Variants in TAMALIN observed in about 807,000 individuals in gnomAD.
TAMALIN encodes trafficking regulator and scaffold protein tamalin.
In TAMALIN, 9 loss-of-function variants were observed where a neutral mutation model predicts 38.5. The observed-to-expected ratio is 0.23, with a 90% CI of 0.14 to 0.41. TAMALIN has a LOEUF of 0.41. Among genes scored for constraint, TAMALIN ranks in the 10% least tolerant of loss-of-function variants. The pLI, the probability that TAMALIN is intolerant of heterozygous loss-of-function variation, is 1.00. For missense variants in TAMALIN, 548 were observed against 554.1 expected, an observed-to-expected ratio of 0.99 and a Z score of 0.11; for synonymous variants, 306 against 256.5, an observed-to-expected ratio of 1.19 and a Z score of -1.85.
chr12:52,009,593 A>C (rs768284389), intron 2 of TAMALIN, among the ~76,000 whole-genome samples: 1 of 151,338 alleles, frequency 6.6e-6, no homozygotes, highest in African/African-American at 2.5e-5. Context: ...GAGCCCTCCT[A>C]GCCTTGGCAA....
In TAMALIN at chr12:52,015,096, G is replaced by T; in HGVS notation, c.1085G>T (p.Gly362Val). The T allele has an allele frequency of 1.9e-6, 3 of 1,559,680 alleles. No homozygotes were observed. The highest frequency in any genetic ancestry group is 2.6e-6 in the Non-Finnish European group (3 of 1,160,662). The change falls in exon 8 of 8, where the codon GGC (glycine) becomes GTC (valine). Residue 362 changes from glycine (G) to valine (V), a missense_variant. Physicochemically the swap from Gly to Val is moderately radical, Grantham distance 109. Coordinates refer to ENST00000293662, the MANE Select transcript of TAMALIN (RefSeq NM_181711.4). ...WTEAREQALCGPGLRKTKYRS... is the reference protein window; with the variant it reads ...WTEAREQALCVPGLRKTKYRS... ...GAGGCTCGCGAGCAGGCCCTATGCG[G>T]CCCCGGCCTGCGCAAAACCAAGTAC...
Position 52,007,343 on chromosome 12 carries a change from C to A in TAMALIN, c.246+78C>A. On this transcript the variant is annotated intron_variant, in intron 1 of 7. Transcript: ENST00000293662. This position sits in a 1 kb window ranked among gnomAD's most constrained non-coding sequence, Gnocchi z 6.7. ...CAGGGCCTGCTGACTCCGCAGTGCC[C>A]TCTCCTCGGCGTCCGCGGAGTCCCC... 1 of 1,318,490 alleles carries A rather than the reference C, an allele frequency of 7.6e-7. No individual in the cohort carries two copies. The highest frequency in any genetic ancestry group is 9.7e-7 in the Non-Finnish European group (1 of 1,034,436). The allele number at this position is 1,318,490 out of a possible 1,614,324, so 81.7% of individuals were successfully genotyped here. A position where few individuals can be genotyped will look rare whatever the true frequency, so the allele number is the denominator to read the frequency against.
In TAMALIN at chr12:52,007,085, C is replaced by A; in HGVS notation, c.66C>A (p.Ala22=). ...KEEAAATPDP[A]ARTPDSEVAP... is the part of the protein sequence containing the mutation. The stretch of plus-strand genomic sequence containing the variant: ...AGGCGGCGGCCACCCCGGACCCCGC[C>A]GCCCGGACTCCCGACTCGGAAGTCG... The change falls in exon 1 of 8, where the codon GCC becomes GCA. Residue 22 remains alanine (A), a synonymous_variant. Transcript: ENST00000293662. This position sits in a 1 kb window ranked among gnomAD's most constrained non-coding sequence, Gnocchi z 6.7. 6.8e-7 allele frequency: 1 copy of A among 1,477,948 alleles called. No individual in the cohort carries two copies. Among genetic ancestry groups the A allele is most frequent in the Non-Finnish European group, 8.9e-7 (1 of 1,121,838 alleles). The allele number at this position is 1,477,948 out of a possible 1,614,324, so 91.6% of individuals were successfully genotyped here.
At position 52,007,974 on chromosome 12, in the gene TAMALIN, A is replaced by G. The variant is rs2603743; in HGVS notation, c.246+709A>G. The stretch of plus-strand genomic sequence containing the variant: ...GGCCCCAGGAGACCTGAGGCTCAGA[A>G]CCTACACAACACCAGGTTAAGAAGA... On this transcript the variant is annotated intron_variant, in intron 1 of 7. Coordinates refer to ENST00000293662, the MANE Select transcript of TAMALIN (RefSeq NM_181711.4). This position sits in a 1 kb window ranked among gnomAD's most constrained non-coding sequence, Gnocchi z 6.7. 2,933 of 985,412 alleles carry G rather than the reference A, an allele frequency of 3.0e-3. 71 individuals are homozygous for G. In the African/African-American group the frequency reaches 0.047, roughly 16 times the overall value. 61.0% of individuals were successfully genotyped at this position (985,412 alleles called of 1,614,324 possible).
intron 1 of TAMALIN, 24 bp from the exon 2 acceptor site, chr12:52,009,166 C>G (rs1210071914): frequency 6.2e-7 from 1 of 1,613,576 alleles, no homozygotes; most frequent in South Asian, 1.1e-5. Context: ...CTTACCTGCT[C>G]CTTCTGACCA....
Position 52,007,885 on chromosome 12 carries a change from C to T in TAMALIN, c.246+620C>T, listed in dbSNP as rs979133467. 1.0e-6 allele frequency: 1 copy of T among 985,388 alleles called. No homozygotes were observed. The allele number at this position is 985,388 out of a possible 1,614,324, so 61.0% of individuals were successfully genotyped here. A position where few individuals can be genotyped will look rare whatever the true frequency, so the allele number is the denominator to read the frequency against. ...CGCAGTGGGAGGGGTCGCAGGGCGC[C>T]CGCGGGGCAGGAAGGATGCGGGCCG... On this transcript the variant is annotated intron_variant, in intron 1 of 7. Coordinates refer to ENST00000293662, the MANE Select transcript of TAMALIN (RefSeq NM_181711.4). The surrounding 1 kb of genome is among the most constrained non-coding windows in gnomAD (Gnocchi z 6.7).
At position 52,015,250 on chromosome 12, in the gene TAMALIN, G is replaced by C. The variant is rs1280252163; in HGVS notation, c.*51G>C. The C allele has an allele frequency of 1.3e-6, 2 of 1,519,816 alleles. No individual in the cohort carries two copies. Among genetic ancestry groups the C allele is most frequent in the African/African-American group, 2.8e-5 (2 of 70,284 alleles). 94.1% of individuals were successfully genotyped at this position (1,519,816 alleles called of 1,614,324 possible). Reference sequence around the variant, plus strand: ...TATTTATTTATTCGCAACAGCCAGCGCTAAAAGAGGGGGAGGCCGAGCCAA... The same window carrying C: ...TATTTATTTATTCGCAACAGCCAGCCCTAAAAGAGGGGGAGGCCGAGCCAA... On this transcript the variant is annotated 3_prime_UTR_variant, in exon 8 of 8. Coordinates refer to ENST00000293662, the MANE Select transcript of TAMALIN (RefSeq NM_181711.4).
chr12:52,014,326 A>G (rs533380209), intron 7 of TAMALIN, 125 bp downstream of exon 7: 1 of 807,714 alleles, frequency 1.2e-6, no homozygotes, highest in African/African-American at 1.7e-5. Context: ...CAGTAAAGCA[A>G]GGTTTGTTGA....
At chr12:52,010,409 A>T (rs1449197342) in intron 2 of TAMALIN, 1 of 697,492 alleles carries the variant, frequency 1.4e-6, no homozygotes, top group Non-Finnish European at 1.8e-6. Flanking sequence ...CAGCCCCCAC[A>T]TCTGGTGGGC....
At position 52,014,844 on chromosome 12, in the gene TAMALIN, G is replaced by A. The variant is rs1937754697; in HGVS notation, c.833G>A (p.Gly278Asp). The change falls in exon 8 of 8, where the codon GGC becomes GAC. Residue 278 changes from glycine to aspartate, a missense_variant. Physicochemically the swap from Gly to Asp is moderately conservative, Grantham distance 94. This residue lies in a region of TAMALIN where 415 missense variants were observed against 417.0 expected (regional missense o/e 1.00). Transcript: ENST00000293662. ...RPRGGARRAR[G>D]DADDAVYHTC... ...CGCGGAGGCGCCCGACGGGCCAGGG[G>A]CGACGCCGACGACGCCGTCTACCAC... The A allele has an allele frequency of 2.4e-6, 3 of 1,274,584 alleles. No homozygotes were observed. Among genetic ancestry groups the A allele is most frequent in the Non-Finnish European group, 2.0e-6 (2 of 1,009,316 alleles). 79.0% of individuals were successfully genotyped at this position (1,274,584 alleles called of 1,614,324 possible).
At position 52,015,440 on chromosome 12, in the gene TAMALIN, G is replaced by T; in HGVS notation, c.*241G>T. ...GGGGCAGGGGGAGAGCCAGGCAATC[G>T]GGGGCCAAAGATGGGGGTGCTCGCC... is the stretch of plus-strand genomic sequence containing the variant. On this transcript the variant is annotated 3_prime_UTR_variant, in exon 8 of 8. Transcript: ENST00000293662. 2.0e-6 allele frequency: 1 copy of T among 490,202 alleles called. No homozygotes were observed. The allele number at this position is 490,202 out of a possible 1,614,324, so 30.4% of individuals were successfully genotyped here.
Position 52,007,232 on chromosome 12 carries a change from C to A in TAMALIN, c.213C>A (p.Leu71=). The A allele has an allele frequency of 7.0e-7, 1 of 1,425,876 alleles. No individual in the cohort carries two copies. Among genetic ancestry groups the A allele is most frequent in the Non-Finnish European group, 9.1e-7 (1 of 1,094,332 alleles). The allele number at this position is 1,425,876 out of a possible 1,614,324, so 88.3% of individuals were successfully genotyped here. The change falls in exon 1 of 8, where the codon CTC becomes CTA. Residue 71 remains leucine, a synonymous_variant. Transcript: ENST00000293662. The surrounding 1 kb of genome is among the most constrained non-coding windows in gnomAD (Gnocchi z 6.7). The stretch of plus-strand genomic sequence containing the variant: ...ACCCTGCCGAGCTGTACCGCGCGCT[C>A]GCCGTGTCCGGGGGCACCCTGCCCC... ...DYHPAELYRA[L]AVSGGTLPRR...
At chr12:52,013,316 A>T (rs1403953446) in intron 4 of TAMALIN, among the ~76,000 whole-genome samples, 1 of 151,696 alleles carries the variant, frequency 6.6e-6, no homozygotes, top group Non-Finnish European at 1.5e-5. Context: ...TGACCTCGTG[A>T]TCCGCCCGCC....
At chr12:52,010,669 A>C in intron 2 of TAMALIN, 1 of 943,348 alleles carries the variant, frequency 1.1e-6, no homozygotes, top group Non-Finnish European at 1.5e-6. Flanking sequence ...TCCCACCACT[A>C]GAGGCTGGAT....
At chr12:52,013,853 C>T (rs1028660527) in intron 5 of TAMALIN, 24 bp from the exon 6 acceptor site, 1 of 1,613,764 alleles carries the variant, frequency 6.2e-7, no homozygotes, top group Non-Finnish European at 8.5e-7. Flanking sequence ...GTGGCTCACT[C>T]AGGCTTTGAT....
At chr12:52,008,232 G>A in intron 1 of TAMALIN, 2 of 985,402 alleles carry the variant, frequency 2.0e-6, no homozygotes, top group Non-Finnish European at 2.4e-6. Context: ...CAGCTTTGGG[G>A]GAGGGTTAGC....
chr12:52,014,855 G>T lies in TAMALIN; in HGVS notation c.844G>T (p.Asp282Tyr), dbSNP rs1937755674. Reference sequence around the variant, plus strand: ...CCGACGGGCCAGGGGCGACGCCGACGACGCCGTCTACCACACGTGCTTCTT... The same window carrying T: ...CCGACGGGCCAGGGGCGACGCCGACTACGCCGTCTACCACACGTGCTTCTT... ...GARRARGDAD[D>Y]AVYHTCFFGD... Residue 282 changes from aspartate (D) to tyrosine (Y), a missense_variant, in exon 8 of 8, where the codon GAC becomes TAC. By Grantham distance (160) the Asp-to-Tyr change is radical. Around this residue, in one of 3 missense-constraint regions of TAMALIN, gnomAD observed 415 missense variants for 417.0 expected, o/e 1.00. Transcript: ENST00000293662. 2.4e-6 allele frequency: 3 copies of T among 1,258,616 alleles called. No homozygotes were observed. In the South Asian group the frequency reaches 6.3e-5, roughly 26 times the overall value. The allele number at this position is 1,258,616 out of a possible 1,614,324, so 78.0% of individuals were successfully genotyped here.
In TAMALIN at chr12:52,013,888, T is replaced by A. The variant is rs1377813209; in HGVS notation, c.560T>A (p.Leu187Gln). 1 of 1,614,046 alleles carries A rather than the reference T, an allele frequency of 6.2e-7. No individual in the cohort carries two copies. Among genetic ancestry groups the A allele is most frequent in the African/African-American group, 1.3e-5 (1 of 74,922 alleles). Residue 187 changes from leucine (L) to glutamine (Q), a missense_variant, in exon 6 of 8, where the codon CTA becomes CAA. Coordinates refer to ENST00000293662, the MANE Select transcript of TAMALIN (RefSeq NM_181711.4). ...TTCTCCAACCTCAGACTGGAAACTC[T>A]ATATGGGACATCAATTCGGAAGGCA... ...ASGNVLRLET[L>Q]YGTSIRKAEL...
rs1006393991 is a variant in TAMALIN, at chr12:52,007,804, C to T, written c.246+539C>T. ...GCTGGGGGCCTGCCGCCTGGCCCCA[C>T]GTCTGACGTACGGGGCGCGAGGGCC... On this transcript the variant is annotated intron_variant, in intron 1 of 7. Coordinates refer to ENST00000293662, the MANE Select transcript of TAMALIN (RefSeq NM_181711.4). The surrounding 1 kb of genome is among the most constrained non-coding windows in gnomAD (Gnocchi z 6.7). 5.1e-6 allele frequency: 5 copies of T among 985,438 alleles called. No individual in the cohort carries two copies. Among genetic ancestry groups the T allele is most frequent in the Non-Finnish European group, 6.0e-6 (5 of 829,920 alleles). The allele number at this position is 985,438 out of a possible 1,614,324, so 61.0% of individuals were successfully genotyped here. A position where few individuals can be genotyped will look rare whatever the true frequency, so the allele number is the denominator to read the frequency against.
Sources: allele counts gnomAD v4.1 joint callset (sites outside exome capture counted in the v4.1 genomes callset), GRCh38; gene constraint gnomAD v4.1.1; regional missense constraint gnomAD v4.1.1; non-coding constraint Gnocchi (gnomAD v3.1); transcripts MANE v1.5; gene names NCBI Gene and HGNC (gene_info 2026-07-23, HGNC 2026-07-21).